Variants in HLA-F observed in about 807,000 individuals in gnomAD.
The protein encoded by HLA-F is major histocompatibility complex, class I, F.
HLA-F carries 46 observed loss-of-function variants against 49.5 expected under a neutral mutation model. The observed-to-expected ratio is 0.93, with a 90% confidence interval of 0.73 to 1.19. The LOEUF is 1.19. HLA-F is among the 50% of genes most tolerant of loss of function. The pLI is 0.00. For missense variants in HLA-F, 496 were observed against 579.6 expected (o/e 0.86, Z 1.48); for synonymous variants, 203 against 233.5 (o/e 0.87, Z 1.19).
chr6:29,738,084 C>T (rs1374589686), intron 3 of HLA-F: 1 of 152,292 alleles, frequency 6.6e-6, no homozygotes, highest in East Asian at 1.9e-4. Flanking sequence ...CATTCCTCCT[C>T]TAACATGGTC....
At chr6:29,737,218 C>CAAAAAAAAAAAAAAAAAAAAA (rs3030698) in intron 3 of HLA-F, among the ~76,000 whole-genome samples, 4 of 65,194 alleles carry the variant, frequency 6.1e-5, no homozygotes, top group Admixed American at 4.3e-4. Context: ...ATCCTCATGG[C>CAAAAAAAAAAAAAAAAAAAAA]AAAAAAAAAA....
Position 29,727,258 on chromosome 6 carries a change from A to T in HLA-F, c.*83A>T. 1.3e-6 allele frequency: 1 copy of T among 796,156 alleles called. No homozygotes were observed. The highest frequency in any genetic ancestry group is 2.0e-6 in the Non-Finnish European group (1 of 503,096). The allele number at this position is 796,156 out of a possible 1,614,324, so 49.3% of individuals were successfully genotyped here. On this transcript the variant is annotated 3_prime_UTR_variant, in exon 7 of 7. Transcript: ENST00000259951. ...ACACCTCCTAAGAATAAGAACCAAC[A>T]TTATCACACCAAAGAAAATAAATAA...
rs1278221243 is a variant in HLA-F at position 29,723,667 on chromosome 6, C to T, written c.74C>T (p.Ser25Phe). The change falls in exon 2 of 7, where the codon TCC becomes TTC. Residue 25 changes from serine (S) to phenylalanine (F), a missense_variant. Ser to Phe is a radical substitution (Grantham distance 155). Coordinates refer to ENST00000259951, the MANE Select transcript of HLA-F (RefSeq NM_001098479.2). Reference protein sequence around the residue: ...ALTDTWAGSHSLRYFSTAVSR... With the variant: ...ALTDTWAGSHFLRYFSTAVSR... ...CCCTCCTCGCCCCCAGGCTCCCACT[C>T]CTTGAGGTATTTCAGCACCGCTGTG... is the stretch of plus-strand genomic sequence containing the variant. The T allele has an allele frequency of 1.2e-6, 2 of 1,609,836 alleles. No homozygotes were observed. The highest frequency in any genetic ancestry group is 1.7e-6 in the Non-Finnish European group (2 of 1,178,634).
rs1356105016 is a variant in HLA-F, at chr6:29,724,367, T to C, written c.529T>C (p.Phe177Leu). 1.9e-6 allele frequency: 3 copies of C among 1,612,970 alleles called. No homozygotes were observed. The highest frequency in any genetic ancestry group is 2.5e-6 in the Non-Finnish European group (3 of 1,179,972). The change falls in exon 3 of 7, where the codon TTC (phenylalanine) becomes CTC (leucine). Residue 177 changes from phenylalanine to leucine, a missense_variant. Phe to Leu is a conservative substitution (Grantham distance 22). Coordinates refer to ENST00000259951, the MANE Select transcript of HLA-F (RefSeq NM_001098479.2). ...TGAGGCAGAGGAATATGCAGAGGAGTTCAGGACCTACCTGGAGGGCGAGTG... is the reference window on the plus strand; with the variant it reads ...TGAGGCAGAGGAATATGCAGAGGAGCTCAGGACCTACCTGGAGGGCGAGTG... ...FYEAEEYAEE[F>L]RTYLEGECLE...
chr6:29,724,171 A>C lies in HLA-F; in HGVS notation c.335-2A>C. On this transcript the variant is annotated splice_acceptor_variant, in intron 2 of 6. Transcript: ENST00000259951. LOFTEE classifies it high-confidence loss of function. ...GCGGGGCTGACTGCGGGGACCGGCT[A>C]GGGTCTCACACCCTCCAGGGAATGA... 6.2e-7 allele frequency: 1 copy of C among 1,612,876 alleles called. No individual in the cohort carries two copies. The highest frequency in any genetic ancestry group is 8.5e-7 in the Non-Finnish European group (1 of 1,179,908).
At position 29,726,940 on chromosome 6, in the gene HLA-F, T is replaced by A. The variant is rs1254287782; in HGVS notation, c.1094T>A (p.Leu365Gln). The stretch of plus-strand genomic sequence containing the variant: ...ACATGGTGGTCAAGCTTATTTCTCC[T>A]GGGGGTGCTCTTCCAAGGATATTTG... ...MITWWSSLFL[L>Q]GVLFQGYLGC... Residue 365 changes from leucine (L) to glutamine (Q), a missense_variant, in exon 7 of 7, where the codon CTG becomes CAG. Physicochemically the swap from Leu to Gln is moderately radical, Grantham distance 113. Transcript: ENST00000259951. The A allele has an allele frequency of 6.8e-6, 11 of 1,610,876 alleles. No homozygotes were observed. In the South Asian group the frequency reaches 1.2e-4, roughly 18 times the overall value.
chr6:29,725,563 G>T lies in HLA-F; in HGVS notation c.1003G>T (p.Asp335Tyr). 6.2e-7 allele frequency: 1 copy of T among 1,612,630 alleles called. No individual in the cohort carries two copies. ...AAVMWRKKSS[D>Y]RNRGSYSQAA... ...TGTGATGTGGAGGAAGAAGAGCTCA[G>T]GTAGGAAGGGGTGAGGAGTGGAGTC... is the stretch of plus-strand genomic sequence containing the variant. The change falls in exon 5 of 7, where the codon GAT becomes TAT. Residue 335 changes from aspartate to tyrosine, a missense_variant and splice_region_variant. By Grantham distance (160) the Asp-to-Tyr change is radical. Transcript: ENST00000259951.
At chr6:29,731,232 CATAGAT>C (rs1776562717), downstream of HLA-F, among the ~76,000 whole-genome samples, 1 of 81,590 alleles carries the variant, frequency 1.2e-5, no homozygotes, top group African/African-American at 3.6e-5. Flanking sequence ...TAGATGGATA[CATAGAT>C]AGATAGATAG....
intron 3 of HLA-F, among the ~76,000 whole-genome samples, chr6:29,736,971 T>A (rs1184407644): frequency 9.2e-5 from 14 of 152,146 alleles, no homozygotes; most frequent in Admixed American, 2.6e-4. Context: ...AGAAACTTGG[T>A]TTAGTCTCTC....
chr6:29,723,728 C>G lies in HLA-F; in HGVS notation c.135C>G (p.Ala45=), dbSNP rs772540636. Residue 45 remains alanine (A), a synonymous_variant, in exon 2 of 7, where the codon GCC becomes GCG. Transcript: ENST00000259951. ...GCCGCGGGGAGCCCCGCTACATCGC[C>G]GTGGAGTACGTAGACGACACGCAAT... ...RPGRGEPRYI[A]VEYVDDTQFL... 2 of 1,611,826 alleles carry G rather than the reference C, an allele frequency of 1.2e-6. No individual in the cohort carries two copies. The highest frequency in any genetic ancestry group is 1.7e-6 in the Non-Finnish European group (2 of 1,179,846).
intron 3 of HLA-F, chr6:29,735,682 A>C (rs1377700604): frequency 6.6e-6 from 1 of 151,910 alleles, no homozygotes; most frequent in Non-Finnish European, 1.5e-5. Context: ...AAATTTGTCA[A>C]GTTTGTTGGA....
downstream of HLA-F, chr6:29,728,888 T>C (rs764283481): frequency 1.3e-5 from 2 of 152,154 alleles, no homozygotes; most frequent in Non-Finnish European, 2.9e-5. Flanking sequence ...TGTGAGGCCA[T>C]TTCTAGGTAA....
At position 29,725,180 on chromosome 6, in the gene HLA-F, A is replaced by G. The variant is rs1775890000; in HGVS notation, c.760A>G (p.Thr254Ala). 1 of 1,613,920 alleles carries G rather than the reference A, an allele frequency of 6.2e-7. No individual in the cohort carries two copies. The highest frequency in any genetic ancestry group is 1.3e-5 in the African/African-American group (1 of 74,890). ...EQTQDTELVE[T>A]RPAGDGTFQK... is the part of the protein sequence containing the mutation. ...GACCCAGGACACAGAGCTTGTGGAG[A>G]CCAGGCCTGCAGGGGATGGAACCTT... The change falls in exon 4 of 7, where the codon ACC (threonine) becomes GCC (alanine). Residue 254 changes from threonine to alanine, a missense_variant. By Grantham distance (58) the Thr-to-Ala change is moderately conservative. Transcript: ENST00000259951.
downstream of HLA-F, among the ~76,000 whole-genome samples, chr6:29,730,308 T>C (rs1335398747): frequency 6.6e-6 from 1 of 152,122 alleles, no homozygotes; most frequent in Non-Finnish European, 1.5e-5. Context: ...AAGACAAATA[T>C]AATATTTCAC....
Position 29,724,271 on chromosome 6 carries a change from A to T in HLA-F, c.433A>T (p.Ile145Phe). The T allele has an allele frequency of 2.5e-6, 4 of 1,613,198 alleles. No homozygotes were observed. The highest frequency in any genetic ancestry group is 3.4e-6 in the Non-Finnish European group (4 of 1,180,026). ...GCACGCGTACGACGGCAAGGATTACATCTCCCTGAACGAGGACCTGCGCTC... is the reference window on the plus strand; with the variant it reads ...GCACGCGTACGACGGCAAGGATTACTTCTCCCTGAACGAGGACCTGCGCTC... ...HQHAYDGKDY[I>F]SLNEDLRSWT... Residue 145 changes from isoleucine to phenylalanine, a missense_variant, in exon 3 of 7, where the codon ATC (isoleucine) becomes TTC (phenylalanine). Transcript: ENST00000259951.
chr6:29,731,297 T>C (rs1485664678), downstream of HLA-F, among the ~76,000 whole-genome samples: 1 of 147,228 alleles, frequency 6.8e-6, no homozygotes, highest in Non-Finnish European at 1.5e-5. Flanking sequence ...GGGGATTTAT[T>C]AGTGGAAATG....
chr6:29,731,003 C>T (rs978530563), downstream of HLA-F, among the ~76,000 whole-genome samples: 37 of 152,086 alleles, frequency 2.4e-4, no homozygotes, highest in African/African-American at 7.7e-4. Context: ...TCACACCATT[C>T]AAGTCTCTGT....
chr6:29,736,108 C>T, intron 3 of HLA-F: 1 of 236,860 alleles, frequency 4.2e-6, no homozygotes, highest in South Asian at 4.8e-5. Flanking sequence ...CTGTGCATAC[C>T]TCTCTCTTCC....
At chr6:29,731,228 GAT>G (rs1776559089), downstream of HLA-F, among the ~76,000 whole-genome samples, 1 of 54,828 alleles carries the variant, frequency 1.8e-5, no homozygotes, top group African/African-American at 6.2e-5. Flanking sequence ...AGAGTAGATG[GAT>G]ACATAGATAG....
Sources: allele counts gnomAD v4.1 joint callset (sites outside exome capture counted in the v4.1 genomes callset), GRCh38; gene constraint gnomAD v4.1.1; transcripts MANE v1.5; gene names NCBI Gene and HGNC (gene_info 2026-07-23, HGNC 2026-07-21).